The following NXPH2 variants were observed in gnomAD, a reference collection of about 807,000 sequenced individuals.
The protein encoded by NXPH2 is neurexophilin 2, also known as neurexophilin-2.
In NXPH2, 5 loss-of-function variants were observed where a neutral mutation model predicts 19.8. The ratio of observed to expected loss-of-function variants is 0.25; its 90% CI spans 0.13 to 0.53. The LOEUF is 0.53. Ranked by LOEUF, NXPH2 falls within the 20% of genes least tolerant of loss-of-function variation. The probability of loss-of-function intolerance (pLI) is 0.96; values close to 1 mark genes in which losing one functional copy is unlikely to be tolerated. For missense variants in NXPH2, 289 were observed against 322.8 expected, an observed-to-expected ratio of 0.90 and a Z score of 0.80; for synonymous variants, 154 against 127.4, an observed-to-expected ratio of 1.21 and a Z score of -1.41.
intron 1 of NXPH2, among the ~76,000 whole-genome samples, chr2:138,687,254 G>T (rs934822894): frequency 6.6e-5 from 10 of 152,194 alleles, no homozygotes; most frequent in Admixed American, 1.3e-4. Context: ...TCTAACTGGT[G>T]TGAGATGGTA....
intron 1 of NXPH2, among the ~76,000 whole-genome samples, chr2:138,769,838 T>C (rs1425629112): frequency 6.6e-6 from 1 of 152,126 alleles, no homozygotes; most frequent in Non-Finnish European, 1.5e-5. Context: ...TTTATGCTGT[T>C]AAACATAGAA....
At chr2:138,724,440 TG>T (rs1310616148) in intron 1 of NXPH2, among the ~76,000 whole-genome samples, 1 of 152,230 alleles carries the variant, frequency 6.6e-6, no homozygotes, top group African/African-American at 2.4e-5. Flanking sequence ...TGCTGTCAAA[TG>T]GGGTGATTGT....
At chr2:138,765,146 T>A (rs1003710019) in intron 1 of NXPH2, among the ~76,000 whole-genome samples, 5 of 151,000 alleles carry the variant, frequency 3.3e-5, no homozygotes, top group Admixed American at 3.3e-4. Context: ...AGTAAGAGAG[T>A]GTTATTTGTG....
chr2:138,681,365 A>C (rs1294035995), intron 1 of NXPH2, among the ~76,000 whole-genome samples: 2 of 152,204 alleles, frequency 1.3e-5, no homozygotes. Context: ...ATAATCATAA[A>C]ATTGAAGAGG....
intron 1 of NXPH2, among the ~76,000 whole-genome samples, chr2:138,719,666 G>A (rs1049307020): frequency 2.8e-4 from 43 of 152,272 alleles, no homozygotes; most frequent in African/African-American, 9.9e-4. Context: ...CCAGGAGTTC[G>A]AGACTAGTCT....
At chr2:138,711,466 A>G (rs1023773710) in intron 1 of NXPH2, among the ~76,000 whole-genome samples, 1 of 151,872 alleles carries the variant, frequency 6.6e-6, no homozygotes, top group Non-Finnish European at 1.5e-5. Flanking sequence ...CCTTCCTTTC[A>G]TTCATCCATT....
At position 138,767,306 on chromosome 2, in the gene NXPH2, G is replaced by C. The variant is rs574214721; in HGVS notation, c.51+12885C>G. On this transcript the variant is annotated intron_variant, in intron 1 of 1. Transcript: ENST00000272641. ...AACCCCATGCTTTCCCAGGAGCAGA[G>C]ACTGAGTCACACTCAGACTGGAGTG... Among the ~76,000 whole-genome samples, 12 of 152,336 alleles carry C rather than the reference G, an allele frequency of 7.9e-5. No homozygotes were observed. In the South Asian group the frequency reaches 2.5e-3, roughly 32 times the overall value.
At position 138,671,166 on chromosome 2, in the gene NXPH2, G is replaced by C; in HGVS notation, c.551C>G (p.Ser184Cys). The C allele has an allele frequency of 6.2e-7, 1 of 1,613,954 alleles. No homozygotes were observed. Among genetic ancestry groups the C allele is most frequent in the Non-Finnish European group, 8.5e-7 (1 of 1,179,866 alleles). Residue 184 changes from serine to cysteine, a missense_variant, in exon 2 of 2, where the codon TCT (serine) becomes TGT (cysteine). Coordinates refer to ENST00000272641, the MANE Select transcript of NXPH2 (RefSeq NM_007226.3). ...QSTLETKESK[S>C]FNCRIEYEKT... ...TTCATACTCAATGCGACAATTGAAA[G>C]ATTTGGATTCCTTGGTCTCCAAGGT...
chr2:138,733,945 C>G (rs141438607), intron 1 of NXPH2, among the ~76,000 whole-genome samples: 1 of 152,266 alleles, frequency 6.6e-6, no homozygotes, highest in East Asian at 1.9e-4. Flanking sequence ...GAAGAAACGT[C>G]AAGCAAAAGA....
intron 1 of NXPH2, among the ~76,000 whole-genome samples, chr2:138,694,779 T>C (rs987357261): frequency 1.3e-5 from 2 of 152,208 alleles, no homozygotes; most frequent in African/African-American, 4.8e-5. Context: ...ATCAATAAGT[T>C]ACACAAGCTA....
At chr2:138,720,521 A>C (rs747497348) in intron 1 of NXPH2, among the ~76,000 whole-genome samples, 3 of 152,260 alleles carry the variant, frequency 2.0e-5, no homozygotes, top group Admixed American at 6.5e-5. Flanking sequence ...CGTAATTGAC[A>C]GTCATAAATT....
At chr2:138,688,001 A>C (rs1226303048) in intron 1 of NXPH2, among the ~76,000 whole-genome samples, 1 of 152,180 alleles carries the variant, frequency 6.6e-6, no homozygotes, top group Non-Finnish European at 1.5e-5. Context: ...CTTTTGGCTT[A>C]GGATTGACTT....
chr2:138,723,701 G>A (rs1223513782), intron 1 of NXPH2, among the ~76,000 whole-genome samples: 2 of 152,162 alleles, frequency 1.3e-5, no homozygotes, highest in African/African-American at 4.8e-5. Context: ...TGCAGGTGGA[G>A]TATCATTATT....
chr2:138,688,277 G>A (rs778950959), intron 1 of NXPH2, among the ~76,000 whole-genome samples: 4 of 152,142 alleles, frequency 2.6e-5, no homozygotes, highest in Non-Finnish European at 2.9e-5. Flanking sequence ...TCCGCCTTCC[G>A]GGTTCAAGCC....
At chr2:138,745,503 G>C (rs974501831) in intron 1 of NXPH2, among the ~76,000 whole-genome samples, 1 of 145,902 alleles carries the variant, frequency 6.9e-6, no homozygotes, top group Non-Finnish European at 1.5e-5. Context: ...CGGGGGGGGG[G>C]GGGTGTTGTT....
intron 1 of NXPH2, among the ~76,000 whole-genome samples, chr2:138,684,643 C>G (rs1680622140): frequency 6.6e-6 from 1 of 152,156 alleles, no homozygotes; most frequent in South Asian, 2.1e-4. Flanking sequence ...CTAGACCTCC[C>G]TAAATCCTGG....
chr2:138,763,419 T>G (rs1038912425), intron 1 of NXPH2, among the ~76,000 whole-genome samples: 1 of 152,212 alleles, frequency 6.6e-6, no homozygotes, highest in South Asian at 2.1e-4. Flanking sequence ...TAAAAAATAC[T>G]GCATAGCATA....
At chr2:138,673,592 A>G (rs936303031) in intron 1 of NXPH2, among the ~76,000 whole-genome samples, 5 of 152,010 alleles carry the variant, frequency 3.3e-5, no homozygotes, top group Admixed American at 6.6e-5. Flanking sequence ...TCACCCTACA[A>G]TGCTTTTGAA....
intron 1 of NXPH2, among the ~76,000 whole-genome samples, chr2:138,674,956 C>T (rs1441343285): frequency 6.6e-6 from 1 of 152,184 alleles, no homozygotes; most frequent in Non-Finnish European, 1.5e-5. Context: ...TTCCCAATCT[C>T]TATTCCCTGA....
Sources: allele counts gnomAD v4.1 joint callset (sites outside exome capture counted in the v4.1 genomes callset), GRCh38; gene constraint gnomAD v4.1.1; transcripts MANE v1.5; gene names NCBI Gene and HGNC (gene_info 2026-07-23, HGNC 2026-07-21).